GFOD1: variants seen among roughly 807,000 people sequenced by gnomAD.
The protein encoded by GFOD1 is Gfo/Idh/MocA-like oxidoreductase domain containing 1.
Under a neutral mutation model 25.4 loss-of-function variants are expected in GFOD1, and 9 were observed. The observed-to-expected ratio is 0.35, with a 90% CI of 0.21 to 0.62. GFOD1 has a LOEUF of 0.62. GFOD1 is among the 20% of genes least tolerant of loss of function. The pLI is 0.72. For synonymous variants in GFOD1, 253 were observed against 245.6 expected (o/e 1.03, Z -0.28); for missense variants, 403 against 556.9 (o/e 0.72, Z 2.78).
At chr6:13,471,106 C>T (rs1207793697) in intron 1 of GFOD1, among the ~76,000 whole-genome samples, 3 of 152,236 alleles carry the variant, frequency 2.0e-5, no homozygotes, top group Non-Finnish European at 4.4e-5. Flanking sequence ...ACCCCATTGC[C>T]CATGGAACTG....
At chr6:13,396,004 G>T (rs1785721886) in intron 1 of GFOD1, among the ~76,000 whole-genome samples, 1 of 152,240 alleles carries the variant, frequency 6.6e-6, no homozygotes, top group African/African-American at 2.4e-5. Flanking sequence ...ACTATCATCT[G>T]CCCTTTCCAA....
At chr6:13,486,569 G>C (rs561922307) in intron 1 of GFOD1, 69 bp downstream of exon 1, 37 of 1,328,142 alleles carry the variant, frequency 2.8e-5, no homozygotes, top group East Asian at 4.7e-5. Context: ...GGAAAGGCAG[G>C]GGGGAAGGAA....
At chr6:13,441,517 A>G (rs1270453378) in intron 1 of GFOD1, among the ~76,000 whole-genome samples, 1 of 152,248 alleles carries the variant, frequency 6.6e-6, no homozygotes, top group Non-Finnish European at 1.5e-5. Flanking sequence ...GAAAATTGGT[A>G]AGATAGTAGA....
At chr6:13,384,069 A>C (rs1785417750) in intron 1 of GFOD1, among the ~76,000 whole-genome samples, 1 of 152,188 alleles carries the variant, frequency 6.6e-6, no homozygotes, top group Non-Finnish European at 1.5e-5. Flanking sequence ...TCTACTAAAA[A>C]TACAAAAATT....
chr6:13,364,728 G>T lies in GFOD1; in HGVS notation c.*15C>A. On this transcript the variant is annotated 3_prime_UTR_variant, in exon 2 of 2. Transcript: ENST00000379287. This position sits in a 1 kb window ranked among gnomAD's most constrained non-coding sequence, Gnocchi z 4.1. ...CCCTGCAGAAGGCTCAAGTCCCCGA[G>T]GTTCTCAATCTGTGCTAACAGTAGA... 1 of 1,593,750 alleles carries T rather than the reference G, an allele frequency of 6.3e-7. No homozygotes were observed. The highest frequency in any genetic ancestry group is 2.2e-5 in the East Asian group (1 of 44,472).
At chr6:13,472,436 T>G (rs1042326589) in intron 1 of GFOD1, among the ~76,000 whole-genome samples, 1 of 152,230 alleles carries the variant, frequency 6.6e-6, no homozygotes, top group African/African-American at 2.4e-5. Flanking sequence ...AAGTTCTGAT[T>G]AAGCAAGATT....
rs1189091212 is a variant in GFOD1 at position 13,374,306 on chromosome 6, TTTG to T, written c.254-8647_254-8645del. ...GTGTGTGTGTGTGTGTGTGTGTGTG[TTTG>T]TTTTTTTTTTTTGAGACAGAGTCTC... On this transcript the variant is annotated intron_variant, in intron 1 of 1. Coordinates refer to ENST00000379287, the MANE Select transcript of GFOD1 (RefSeq NM_018988.4). Among the ~76,000 whole-genome samples the T allele has an allele frequency of 2.1e-4, 31 of 149,074 alleles. No homozygotes were observed. The East Asian group carries it at 2.5e-3, about 12-fold the overall frequency.
At chr6:13,389,807 A>G (rs1487915261) in intron 1 of GFOD1, among the ~76,000 whole-genome samples, 3 of 152,138 alleles carry the variant, frequency 2.0e-5, no homozygotes, top group Non-Finnish European at 4.4e-5. Context: ...CCATATTATT[A>G]ATATTTTCCA....
chr6:13,479,643 C>G (rs999792428), intron 1 of GFOD1, among the ~76,000 whole-genome samples: 1 of 152,180 alleles, frequency 6.6e-6, no homozygotes, highest in Non-Finnish European at 1.5e-5. Context: ...CTTCATTTAG[C>G]TTCTTCTCCC....
At chr6:13,390,813 AAGG>A in intron 1 of GFOD1, among the ~76,000 whole-genome samples, 1 of 151,558 alleles carries the variant, frequency 6.6e-6, no homozygotes, top group Non-Finnish European at 1.5e-5. Flanking sequence ...GGAAGGAAGG[AAGG>A]AAGGAAGGAA....
At chr6:13,451,812 G>C (rs1758103738) in intron 1 of GFOD1, among the ~76,000 whole-genome samples, 1 of 152,204 alleles carries the variant, frequency 6.6e-6, no homozygotes, top group South Asian at 2.1e-4. Flanking sequence ...CCACGGGAGT[G>C]AGGGTTTCCA....
At chr6:13,386,850 C>A (rs185863034) in intron 1 of GFOD1, among the ~76,000 whole-genome samples, 1 of 152,096 alleles carries the variant, frequency 6.6e-6, no homozygotes, top group African/African-American at 2.4e-5. Flanking sequence ...TGAGGAACAC[C>A]GGCCCTACAG....
At chr6:13,374,295 G>GTGTGTGTT (rs1785212308) in intron 1 of GFOD1, among the ~76,000 whole-genome samples, 1 of 149,324 alleles carries the variant, frequency 6.7e-6, no homozygotes, top group South Asian at 2.1e-4. Flanking sequence ...GTGTGTGTGT[G>GTGTGTGTT]TGTGTGTGTG....
In GFOD1 at chr6:13,396,463, T is replaced by TACAGGGC. The variant is rs566959672; in HGVS notation, c.254-30802_254-30801insGCCCTGT. Among the ~76,000 whole-genome samples, 78 of 152,310 alleles carry TACAGGGC rather than the reference T, an allele frequency of 5.1e-4. 2 individuals carry two copies. The East Asian group carries it at 0.013, about 26-fold the overall frequency. On this transcript the variant is annotated intron_variant, in intron 1 of 1. Coordinates refer to ENST00000379287, the MANE Select transcript of GFOD1 (RefSeq NM_018988.4). Reference sequence around the variant, plus strand: ...ACCTACAGGGCAGGTGGCCTTTTCCTAGGAGTTGGTGCCAAGGATTCTGAG... The same window carrying TACAGGGC: ...ACCTACAGGGCAGGTGGCCTTTTCCTACAGGGCAGGAGTTGGTGCCAAGGATTCTGAG...
At chr6:13,473,625 A>G (rs1170980481) in intron 1 of GFOD1, among the ~76,000 whole-genome samples, 1 of 152,260 alleles carries the variant, frequency 6.6e-6, no homozygotes, top group Non-Finnish European at 1.5e-5. Context: ...ACTTTGCTCT[A>G]GCAGGTCAAC....
chr6:13,386,506 G>C (rs1357332605), intron 1 of GFOD1, among the ~76,000 whole-genome samples: 1 of 152,208 alleles, frequency 6.6e-6, no homozygotes, highest in Admixed American at 6.5e-5. Context: ...TGGGCAGACA[G>C]GTGGGCTAAC....
At chr6:13,437,808 AC>A (rs1757856813) in intron 1 of GFOD1, among the ~76,000 whole-genome samples, 1 of 152,206 alleles carries the variant, frequency 6.6e-6, no homozygotes, top group Admixed American at 6.5e-5. Flanking sequence ...AGAAATCATT[AC>A]TGGTGCACTT....
chr6:13,466,256 T>C (rs1479150366), intron 1 of GFOD1, among the ~76,000 whole-genome samples: 2 of 152,192 alleles, frequency 1.3e-5, no homozygotes, highest in Non-Finnish European at 2.9e-5. Context: ...GGAGTTTTGA[T>C]CTGAGTTAGA....
intron 1 of GFOD1, among the ~76,000 whole-genome samples, chr6:13,479,549 G>C (rs931113070): frequency 1.3e-5 from 2 of 152,090 alleles, no homozygotes; most frequent in African/African-American, 4.8e-5. Flanking sequence ...TTCATTCTTG[G>C]TGAAACCCTT....
Sources: allele counts gnomAD v4.1 joint callset (sites outside exome capture counted in the v4.1 genomes callset), GRCh38; gene constraint gnomAD v4.1.1; non-coding constraint Gnocchi (gnomAD v3.1); transcripts MANE v1.5; gene names NCBI Gene and HGNC (gene_info 2026-07-23, HGNC 2026-07-21).